The following GNAS variants were observed in gnomAD, a reference collection of about 807,000 sequenced individuals.
GNAS encodes protein ALEX.
GNAS carries 8 observed loss-of-function variants against 54.5 expected under a neutral mutation model. The ratio of observed to expected loss-of-function variants is 0.15; its 90% CI spans 0.09 to 0.26. The LOEUF (loss-of-function observed/expected upper bound fraction) is 0.26. Ranked by LOEUF, GNAS falls within the 10% of genes least tolerant of loss-of-function variation. GNAS has a pLI of 1.00. For synonymous variants in GNAS, 204 were observed against 191.4 expected (o/e 1.07, Z -0.54); for missense variants, 170 against 529.8 (o/e 0.32, Z 6.67).
At chr20:58,858,952 T>C (rs929887969) in intron 1 of GNAS, among the ~76,000 whole-genome samples, 1 of 152,212 alleles carries the variant, frequency 6.6e-6, no homozygotes, top group African/African-American at 2.4e-5. Flanking sequence ...GTAAGATTCA[T>C]GCTTCTCAAA....
chr20:58,899,840 T>A, intron 3 of GNAS: 1 of 695,718 alleles, frequency 1.4e-6, no homozygotes, highest in Middle Eastern at 2.4e-4. Flanking sequence ...TTGACTTAGT[T>A]TAGGGCATCT....
In GNAS at chr20:58,855,171, G is replaced by A. The variant is rs753626817; in HGVS notation, c.43+14285G>A. 9.3e-6 allele frequency: 15 copies of A among 1,610,850 alleles called. No homozygotes were observed. The East Asian group carries it at 1.6e-4, about 17-fold the overall frequency. On this transcript the variant is annotated intron_variant, in intron 1 of 12. Coordinates refer to the GNAS transcript ENST00000306090. ...GCCCAAAGCCTCGCGCTCTCTCAAG[G>A]TCAAGAAGGTACCCCTGGCGGAGAA...
intron 1 of GNAS, among the ~76,000 whole-genome samples, chr20:58,876,130 G>T (rs2087797106): frequency 1.3e-5 from 2 of 152,202 alleles, no homozygotes; most frequent in African/African-American, 4.8e-5. Context: ...ATCTTGACTT[G>T]CCAGATATTA....
upstream of GNAS, among the ~76,000 whole-genome samples, chr20:58,890,000 G>A (rs1196360848): frequency 6.6e-6 from 1 of 151,562 alleles, no homozygotes; most frequent in African/African-American, 2.4e-5. Flanking sequence ...TGGCCGAGCC[G>A]AGAGAGCCGC....
At chr20:58,840,490 G>C (rs761520412), upstream of GNAS, 4 of 1,613,180 alleles carry the variant, frequency 2.5e-6, no homozygotes, top group African/African-American at 1.3e-5. The surrounding 1 kb of genome is among the most constrained non-coding windows in gnomAD (Gnocchi z 6.0). Context: ...TCGAGACCGA[G>C]CCTGAGACCG....
intron 1 of GNAS, 113 bp downstream of exon 1, chr20:58,891,978 G>A (rs897082383): frequency 1.1e-5 from 8 of 757,818 alleles, no homozygotes; most frequent in Non-Finnish European, 1.3e-5. Flanking sequence ...CGAGCCCCCC[G>A]CCCGTTCGCG....
At chr20:58,862,213 AG>A (rs1468485496) in intron 1 of GNAS, among the ~76,000 whole-genome samples, 2 of 151,812 alleles carry the variant, frequency 1.3e-5, no homozygotes, top group Non-Finnish European at 2.9e-5. Flanking sequence ...GCTGGAGTAC[AG>A]TGGCATGATC....
At chr20:58,893,231 G>T (rs1179764363) in intron 1 of GNAS, among the ~76,000 whole-genome samples, 1 of 149,154 alleles carries the variant, frequency 6.7e-6, no homozygotes. Flanking sequence ...TTTTGATTGC[G>T]ATTTTTCCTC....
At chr20:58,847,772 C>T (rs1209015628) in intron 1 of GNAS, among the ~76,000 whole-genome samples, 1 of 152,228 alleles carries the variant, frequency 6.6e-6, no homozygotes, top group African/African-American at 2.4e-5. Context: ...CCTCTCTCTA[C>T]TTTGCCTTCT....
upstream of GNAS, chr20:58,889,289 C>G (rs1801676608): frequency 3.0e-6 from 3 of 992,840 alleles, no homozygotes; most frequent in Admixed American, 6.2e-5. Flanking sequence ...GCCCCTGTCC[C>G]GGCGCGGGGC....
intron 1 of GNAS, among the ~76,000 whole-genome samples, chr20:58,868,026 T>C (rs1199794927): frequency 6.0e-5 from 9 of 150,576 alleles, no homozygotes; most frequent in South Asian, 2.1e-4. Context: ...TTCTTTCTTT[T>C]TTTTTTTTTT....
chr20:58,882,245 A>G (rs6092702), intron 1 of GNAS, among the ~76,000 whole-genome samples: 19,702 of 151,748 alleles, frequency 0.13, 1,910 homozygotes, highest in African/African-American at 0.28. Context: ...ATTTTTTTGT[A>G]TTTTTAGTAG....
Position 58,857,107 on chromosome 20 carries a change from A to G in GNAS, c.43+16221A>G, listed in dbSNP as rs1256774070. 6.6e-6 allele frequency: 1 copy of G among 152,226 alleles called. No individual in the cohort carries two copies. Among genetic ancestry groups the G allele is most frequent in the Non-Finnish European group, 1.5e-5 (1 of 68,050 alleles). 9.4% of individuals were successfully genotyped at this position (152,226 alleles called of 1,614,324 possible). On this transcript the variant is annotated intron_variant, in intron 1 of 12. Coordinates refer to the GNAS transcript ENST00000306090. This position sits in a 1 kb window ranked among gnomAD's most constrained non-coding sequence, Gnocchi z 4.1. ...CTAAGACTTTCTCTAAGACCTTCCA[A>G]GGGATTTCAAGATCACAGTTTTTAA...
At chr20:58,862,197 G>A (rs1416259820) in intron 1 of GNAS, among the ~76,000 whole-genome samples, 2 of 151,670 alleles carry the variant, frequency 1.3e-5, no homozygotes, top group African/African-American at 2.4e-5. Flanking sequence ...TCACTCTGTC[G>A]CCCAAGCTGG....
At chr20:58,850,879 G>A (rs1172460585) in intron 1 of GNAS, 7 of 398,592 alleles carry the variant, frequency 1.8e-5, no homozygotes, top group Non-Finnish European at 2.7e-5. Flanking sequence ...GCACCTCTTC[G>A]GGCGTTCCAA....
At chr20:58,847,508 T>C (rs2085983260) in intron 1 of GNAS, among the ~76,000 whole-genome samples, 1 of 152,240 alleles carries the variant, frequency 6.6e-6, no homozygotes, top group African/African-American at 2.4e-5. Context: ...TCAGAAAACA[T>C]TTGTCACTGG....
Position 58,853,637 on chromosome 20 carries a change from C to A in GNAS, c.43+12751C>A. Reference sequence around the variant, plus strand: ...CTACACTGGAGCAGCCTGGATTCCCCAGTGGGGTCCATGCAGGCCTTGAGG... The same window carrying A: ...CTACACTGGAGCAGCCTGGATTCCCAAGTGGGGTCCATGCAGGCCTTGAGG... On this transcript the variant is annotated intron_variant, in intron 1 of 12. Coordinates refer to the GNAS transcript ENST00000306090. The surrounding 1 kb of genome is among the most constrained non-coding windows in gnomAD (Gnocchi z 4.4). 2 of 1,613,508 alleles carry A rather than the reference C, an allele frequency of 1.2e-6. No individual in the cohort carries two copies. Among genetic ancestry groups the A allele is most frequent in the Non-Finnish European group, 1.7e-6 (2 of 1,179,880 alleles).
upstream of GNAS, among the ~76,000 whole-genome samples, chr20:58,889,929 A>C (rs2088971767): frequency 6.6e-6 from 1 of 151,544 alleles, no homozygotes; most frequent in African/African-American, 2.4e-5. Context: ...GGAGAGCGAG[A>C]AGAAGACGGC....
At chr20:58,883,261 C>T (rs2088366471) in intron 1 of GNAS, among the ~76,000 whole-genome samples, 1 of 152,184 alleles carries the variant, frequency 6.6e-6, no homozygotes, top group South Asian at 2.1e-4. Context: ...TTAAGCAAGT[C>T]TGCTTTGTGT....
Sources: allele counts gnomAD v4.1 joint callset (sites outside exome capture counted in the v4.1 genomes callset), GRCh38; gene constraint gnomAD v4.1.1; non-coding constraint Gnocchi (gnomAD v3.1); transcripts MANE v1.5; gene names NCBI Gene and HGNC (gene_info 2026-07-23, HGNC 2026-07-21).